ZFP64: variants seen among roughly 807,000 people sequenced by gnomAD.
ZFP64 encodes the protein ZFP64 zinc finger protein, also known as zinc finger protein 64.
Under a neutral mutation model 51.6 loss-of-function variants are expected in ZFP64, and 14 were observed. That is an observed-to-expected ratio of 0.27 (90% confidence interval 0.18 to 0.42). ZFP64 has a LOEUF of 0.42. Among genes scored for constraint, ZFP64 ranks in the 10% least tolerant of loss-of-function variants. ZFP64 has a pLI of 1.00. For synonymous variants in ZFP64, 375 were observed against 361.4 expected, an observed-to-expected ratio of 1.04 and a Z score of -0.43; for missense variants, 754 against 906.8, an observed-to-expected ratio of 0.83 and a Z score of 2.16.
At chr20:52,127,464 C>A (rs914645830) in intron 5 of ZFP64, among the ~76,000 whole-genome samples, 2 of 152,096 alleles carry the variant, frequency 1.3e-5, no homozygotes, top group Non-Finnish European at 2.9e-5. Flanking sequence ...ATAGTGAGTT[C>A]TCACAAGAGC....
intron 7 of ZFP64, chr20:52,096,973 A>G (rs1600697257): frequency 4.0e-6 from 2 of 505,526 alleles, no homozygotes; most frequent in East Asian, 1.1e-4. Flanking sequence ...GTAAGGCCAG[A>G]AAGCTGCAAG....
chr20:52,187,013 G>C lies in ZFP64; in HGVS notation c.105C>G (p.Ile35Met). ...ELTPDIHICG[I>M]CKQQFNNLDA... is the part of the protein sequence containing the mutation. The stretch of plus-strand genomic sequence containing the variant: ...CCAGGTTGTTAAACTGCTGCTTGCA[G>C]ATGCCGCAGATATGGATGTCGGGAG... The change falls in exon 2 of 6, where the codon ATC (isoleucine) becomes ATG (methionine). Residue 35 changes from isoleucine (I) to methionine (M), a missense_variant. This residue lies in a region of ZFP64 where 95 missense variants were observed against 97.7 expected (regional missense o/e 0.97). Transcript: ENST00000216923. 6.2e-7 allele frequency: 1 copy of C among 1,613,724 alleles called. No individual in the cohort carries two copies. Among genetic ancestry groups the C allele is most frequent in the Non-Finnish European group, 8.5e-7 (1 of 1,179,622 alleles).
intron 7 of ZFP64, among the ~76,000 whole-genome samples, chr20:52,090,288 T>G (rs1446034018): frequency 6.6e-6 from 1 of 152,174 alleles, no homozygotes; most frequent in Non-Finnish European, 1.5e-5. Context: ...AGGAACAGGA[T>G]CTTCAACTTT....
intron 4 of ZFP64, among the ~76,000 whole-genome samples, chr20:52,161,181 C>T (rs1568687750): frequency 6.6e-6 from 1 of 152,192 alleles, no homozygotes; most frequent in Non-Finnish European, 1.5e-5. Context: ...AAATCCCTAT[C>T]TTGTTTGAGC....
chr20:52,166,142 G>T, intron 2 of ZFP64, 117 bp from the exon 3 acceptor site: 1 of 1,068,826 alleles, frequency 9.4e-7, no homozygotes, highest in Non-Finnish European at 1.3e-6. Flanking sequence ...AGCCTCCCTT[G>T]CGGCTTCACA....
chr20:52,183,493 T>C (rs903006628), intron 2 of ZFP64, among the ~76,000 whole-genome samples: 2 of 152,210 alleles, frequency 1.3e-5, no homozygotes, highest in African/African-American at 4.8e-5. Flanking sequence ...AGGACTGTCC[T>C]GAAGTTCCGA....
At position 52,152,242 on chromosome 20, in the gene ZFP64, G is replaced by A. The variant is rs200007514; in HGVS notation, c.1950C>T (p.Ser650=). 1.9e-6 allele frequency: 3 copies of A among 1,614,002 alleles called. No homozygotes were observed. The highest frequency in any genetic ancestry group is 1.7e-5 in the Admixed American group (1 of 60,004). ...VATTAPPVFS[S]SSQQELPKQT... is the part of the protein sequence containing the mutation. ...GCTTGGGTAGTTCTTGCTGGGAAGA[G>A]GAGGAGAAGACCGGTGGCGCTGTGG... is the stretch of plus-strand genomic sequence containing the variant. The change falls in exon 6 of 6, where the codon TCC becomes TCT. Residue 650 remains serine, a synonymous_variant. Transcript: ENST00000216923.
At chr20:52,124,342 T>G (rs1303227874) in intron 5 of ZFP64, among the ~76,000 whole-genome samples, 1 of 152,194 alleles carries the variant, frequency 6.6e-6, no homozygotes, top group African/African-American at 2.4e-5. Flanking sequence ...AAGTGATTGC[T>G]TCTGGGGAGC....
chr20:52,111,017 G>A, intron 5 of ZFP64: 2 of 1,458,924 alleles, frequency 1.4e-6, no homozygotes, highest in East Asian at 2.3e-5. Context: ...TCCAGGGGAA[G>A]GGCGCGCTTG....
intron 5 of ZFP64, among the ~76,000 whole-genome samples, chr20:52,138,058 C>CATAAAT (rs1568671772): frequency 0.061 from 3,755 of 61,058 alleles, 70 homozygotes; most frequent in Non-Finnish European, 0.095. Flanking sequence ...AATAAATAAG[C>CATAAAT]AAGCCAGGCA....
intron 5 of ZFP64, chr20:52,104,979 C>T: frequency 2.3e-6 from 2 of 867,488 alleles, no homozygotes; most frequent in Non-Finnish European, 3.4e-6. Flanking sequence ...AGGCGGGGGG[C>T]GGGGACGCCC....
At chr20:52,143,812 A>G (rs6096795) in intron 5 of ZFP64, among the ~76,000 whole-genome samples, 62,849 of 141,472 alleles carry the variant, frequency 0.44, 19,626 homozygotes, top group Non-Finnish European at 0.52. Flanking sequence ...GGCCTCCCAA[A>G]GTGCTGAGAT....
At position 52,156,029 on chromosome 20, in the gene ZFP64, TA is replaced by T. The variant is rs1981291704; in HGVS notation, c.764-2602del. Among the ~76,000 whole-genome samples the T allele has an allele frequency of 2.0e-5, 3 of 152,258 alleles. No homozygotes were observed. In the South Asian group the frequency reaches 6.2e-4, roughly 31 times the overall value. On this transcript the variant is annotated intron_variant, in intron 5 of 5. Coordinates refer to ENST00000216923, the MANE Select transcript of ZFP64 (RefSeq NM_018197.3). The stretch of plus-strand genomic sequence containing the variant: ...AAATTTTTGAAAAACACACCTTTTC[TA>T]GACCAATTTTAAAGATGCTGCTATA...
intron 5 of ZFP64, among the ~76,000 whole-genome samples, chr20:52,159,181 T>A (rs1568685902): frequency 1.3e-5 from 2 of 152,234 alleles, no homozygotes; most frequent in South Asian, 4.1e-4. Context: ...AAATGTTTAT[T>A]ATACAACACT....
Position 52,166,004 on chromosome 20 carries a change from A to G in ZFP64, c.308T>C (p.Phe103Ser). The G allele has an allele frequency of 6.2e-7, 1 of 1,606,810 alleles. No individual in the cohort carries two copies. The highest frequency in any genetic ancestry group is 2.2e-5 in the East Asian group (1 of 44,832). The stretch of plus-strand genomic sequence containing the variant: ...CAGGTAAGTTTGATAGCCATGTTCA[A>G]AAACAAATTCTGGAGCTGAAACTAA... Reference protein sequence around the residue: ...TITVSAPEFVFEHGYQTYLPT... With the variant: ...TITVSAPEFVSEHGYQTYLPT... The change falls in exon 3 of 6, where the codon TTT (phenylalanine) becomes TCT (serine). Residue 103 changes from phenylalanine (F) to serine (S), a missense_variant. This residue lies in a region of ZFP64 where 231 missense variants were observed against 336.7 expected (regional missense o/e 0.69). Transcript: ENST00000216923.
At chr20:52,130,818 G>A (rs1979687591) in intron 5 of ZFP64, among the ~76,000 whole-genome samples, 1 of 152,116 alleles carries the variant, frequency 6.6e-6, no homozygotes, top group South Asian at 2.1e-4. Flanking sequence ...GCTCATGCCT[G>A]TAATCTCAGC....
downstream of ZFP64, among the ~76,000 whole-genome samples, chr20:52,148,681 ACAGC>A (rs1268193762): frequency 6.6e-6 from 1 of 150,992 alleles, no homozygotes; most frequent in East Asian, 2.0e-4. Flanking sequence ...AGGCTGGGCG[ACAGC>A]CAGACTCTGT....
chr20:52,088,920 G>C, intron 7 of ZFP64: 1 of 611,884 alleles, frequency 1.6e-6, no homozygotes. Context: ...AGTGGTTATA[G>C]AAGTACTCAG....
intron 2 of ZFP64, among the ~76,000 whole-genome samples, chr20:52,173,987 CTG>C (rs1466587888): frequency 1.3e-5 from 2 of 152,172 alleles, no homozygotes; most frequent in African/African-American, 2.4e-5. Context: ...CCTATCGCTA[CTG>C]TGATTAAATA....
Sources: allele counts gnomAD v4.1 joint callset (sites outside exome capture counted in the v4.1 genomes callset), GRCh38; gene constraint gnomAD v4.1.1; regional missense constraint gnomAD v4.1.1; transcripts MANE v1.5; gene names NCBI Gene and HGNC (gene_info 2026-07-23, HGNC 2026-07-21).